THSD7B: variants seen among roughly 807,000 people sequenced by gnomAD.
THSD7B encodes the protein thrombospondin type 1 domain containing 7B.
A neutral mutation model predicts 213.6 loss-of-function variants in THSD7B; 138 were observed. That is an observed-to-expected ratio of 0.65 (90% CI 0.56 to 0.74). The LOEUF (loss-of-function observed/expected upper bound fraction) is 0.74. Ranked by LOEUF, THSD7B falls within the 30% of genes least tolerant of loss-of-function variation. The pLI, the probability that THSD7B is intolerant of heterozygous loss-of-function variation, is 0.00. For missense variants in THSD7B, 1,931 were observed against 1,991.5 expected (o/e 0.97, Z 0.58); for synonymous variants, 742 against 687.0 (o/e 1.08, Z -1.25).
chr2:137,415,767 C>A (rs935985155), intron 14 of THSD7B, among the ~76,000 whole-genome samples: 1 of 145,564 alleles, frequency 6.9e-6, no homozygotes, highest in African/African-American at 2.5e-5. Flanking sequence ...CTTCATCTCT[C>A]CTTTCATTCA....
At chr2:137,479,358 A>G (rs998723089) in intron 15 of THSD7B, 1 of 216,166 alleles carries the variant, frequency 4.6e-6, no homozygotes, top group Non-Finnish European at 9.9e-6. Flanking sequence ...GCTCCCAGAT[A>G]GCATGCTTGG....
At chr2:137,362,086 C>T (rs936040437) in intron 12 of THSD7B, among the ~76,000 whole-genome samples, 1 of 152,120 alleles carries the variant, frequency 6.6e-6, no homozygotes, top group African/African-American at 2.4e-5. Flanking sequence ...ATTCAACATT[C>T]TTAAAGAAAA....
intron 3 of THSD7B, among the ~76,000 whole-genome samples, chr2:137,071,139 C>G (rs1436942646): frequency 6.6e-6 from 1 of 152,230 alleles, no homozygotes; most frequent in African/African-American, 2.4e-5. Flanking sequence ...AATCGCCACA[C>G]TGACTTCCAC....
At chr2:136,841,593 C>CAAAAAAA (rs534991799) in intron 1 of THSD7B, among the ~76,000 whole-genome samples, 1 of 93,184 alleles carries the variant, frequency 1.1e-5, no homozygotes, top group African/African-American at 4.2e-5. Context: ...AAGACTCCAT[C>CAAAAAAA]AAAAAAAAAA....
intron 2 of THSD7B, among the ~76,000 whole-genome samples, chr2:136,920,957 C>A (rs1018031905): frequency 2.6e-5 from 4 of 152,152 alleles, no homozygotes; most frequent in Non-Finnish European, 5.9e-5. Context: ...TGGGAGCAGG[C>A]CCTTTGAAGC....
At chr2:137,602,462 G>A (rs1442065753) in intron 17 of THSD7B, among the ~76,000 whole-genome samples, 1 of 152,012 alleles carries the variant, frequency 6.6e-6, no homozygotes, top group Non-Finnish European at 1.5e-5. Context: ...TAGAGACGGG[G>A]TTTCACCATG....
chr2:137,587,280 A>T (rs887237494), intron 17 of THSD7B, among the ~76,000 whole-genome samples: 5 of 152,154 alleles, frequency 3.3e-5, no homozygotes, highest in Non-Finnish European at 5.9e-5. Context: ...GATGGGTTCA[A>T]ACTTCCTCCT....
Position 137,651,648 on chromosome 2 carries a change from T to C in THSD7B, c.3946-3853T>C, listed in dbSNP as rs189740757. Among the ~76,000 whole-genome samples, 326 of 152,200 alleles carry C rather than the reference T, an allele frequency of 2.1e-3. 2 individuals are homozygous for C. The highest frequency in any genetic ancestry group is 7.6e-3 in the African/African-American group (316 of 41,580). ...ATTTCTAGTACCTTGAAGTACATCA[T>C]TAAATTATTTGAATTCTTTCTACTT... On this transcript the variant is annotated intron_variant, in intron 21 of 27. Transcript: ENST00000409968.
At chr2:137,271,443 A>AAAAT (rs1682735684) in intron 10 of THSD7B, among the ~76,000 whole-genome samples, 4 of 132,474 alleles carry the variant, frequency 3.0e-5, no homozygotes, top group African/African-American at 1.2e-4. Context: ...TATATAATAT[A>AAAAT]ATATATAATA....
chr2:137,361,226 G>A (rs556210278), intron 12 of THSD7B, among the ~76,000 whole-genome samples: 47 of 152,170 alleles, frequency 3.1e-4, no homozygotes, highest in African/African-American at 6.0e-4. Flanking sequence ...CCATCTGTAC[G>A]TCACCATCAT....
At chr2:137,598,094 C>T (rs1681997701) in intron 17 of THSD7B, among the ~76,000 whole-genome samples, 1 of 151,986 alleles carries the variant, frequency 6.6e-6, no homozygotes, top group Non-Finnish European at 1.5e-5. Context: ...TTTTTTCTGT[C>T]TTTCCTCTTC....
intron 15 of THSD7B, among the ~76,000 whole-genome samples, chr2:137,559,369 T>C (rs1027286602): frequency 1.1e-4 from 17 of 152,098 alleles, no homozygotes; most frequent in African/African-American, 2.9e-4. Context: ...AACAGAGATA[T>C]AGACAAATGG....
chr2:137,539,432 A>G (rs570085851), intron 15 of THSD7B, among the ~76,000 whole-genome samples: 9 of 151,800 alleles, frequency 5.9e-5, no homozygotes, highest in Admixed American at 5.9e-4. Context: ...GCAGATTTTA[A>G]GATCCAAGAA....
chr2:137,269,572 A>C (rs1682686700), intron 10 of THSD7B, among the ~76,000 whole-genome samples: 1 of 152,232 alleles, frequency 6.6e-6, no homozygotes. Context: ...CAAAACACAC[A>C]TACACACAAA....
At chr2:136,929,214 A>G (rs974177734) in intron 2 of THSD7B, among the ~76,000 whole-genome samples, 5 of 152,176 alleles carry the variant, frequency 3.3e-5, no homozygotes, top group African/African-American at 1.2e-4. Context: ...TACTCTGCCA[A>G]AAATAGTGCA....
At position 137,056,700 on chromosome 2, in the gene THSD7B, C is replaced by T. The variant is rs1558902306; in HGVS notation, c.420C>T (p.His140=). Residue 140 remains histidine (H), a synonymous_variant, in exon 3 of 28, where the codon CAC becomes CAT. Transcript: ENST00000409968. The part of the protein sequence containing the change: ...ECVTAQHGLQ[H]RMVRCIQKLN... Reference sequence around the variant, plus strand: ...TGACGGCTCAGCATGGACTGCAGCACCGGATGGTGCGCTGCATTCAGAAGC... The same window carrying T: ...TGACGGCTCAGCATGGACTGCAGCATCGGATGGTGCGCTGCATTCAGAAGC... 1 of 1,613,766 alleles carries T rather than the reference C, an allele frequency of 6.2e-7. No individual in the cohort carries two copies. The highest frequency in any genetic ancestry group is 8.5e-7 in the Non-Finnish European group (1 of 1,179,902).
In THSD7B at chr2:136,819,692, C is replaced by T. The variant is rs537705063; in HGVS notation, c.-36+54005C>T. Among the ~76,000 whole-genome samples the T allele has an allele frequency of 1.8e-4, 27 of 152,204 alleles. No individual in the cohort carries two copies. In the South Asian group the frequency reaches 3.7e-3, roughly 21 times the overall value. ...TCCTGAGGACCTTGCTTATGCCCCCCCCAGTCCAGCTGAGGCTGAACTGAG... is the reference window on the plus strand; with the variant it reads ...TCCTGAGGACCTTGCTTATGCCCCCTCCAGTCCAGCTGAGGCTGAACTGAG... On this transcript the variant is annotated intron_variant, in intron 1 of 27. Transcript: ENST00000409968.
intron 7 of THSD7B, among the ~76,000 whole-genome samples, chr2:137,222,117 TAAG>T (rs952971866): frequency 1.3e-5 from 2 of 152,204 alleles, no homozygotes; most frequent in African/African-American, 4.8e-5. Flanking sequence ...TTACCAATAA[TAAG>T]AAAACCACAT....
At chr2:137,172,317 G>C (rs1201393318) in intron 7 of THSD7B, among the ~76,000 whole-genome samples, 1 of 152,158 alleles carries the variant, frequency 6.6e-6, no homozygotes, top group Non-Finnish European at 1.5e-5. Flanking sequence ...TTCTGGATGG[G>C]AGATGATCAC....
Sources: allele counts gnomAD v4.1 joint callset (sites outside exome capture counted in the v4.1 genomes callset), GRCh38; gene constraint gnomAD v4.1.1; transcripts MANE v1.5; gene names NCBI Gene and HGNC (gene_info 2026-07-23, HGNC 2026-07-21).